Variants in WDR90 observed in about 807,000 individuals in gnomAD.
WDR90 encodes WD repeat-containing protein 90.
Under a neutral mutation model 195.2 loss-of-function variants are expected in WDR90, and 238 were observed. The observed-to-expected ratio is 1.22, with a 90% confidence interval of 1.10 to 1.36. The LOEUF is 1.36. Among genes scored for constraint, WDR90 ranks in the 40% most tolerant of loss-of-function variants. The pLI is 0.00. For synonymous variants in WDR90, 1,265 were observed against 1,052.4 expected (o/e 1.20, Z -3.91); for missense variants, 2,734 against 2,439.5 (o/e 1.12, Z -2.54).
In WDR90 at chr16:666,485, C is replaced by T. The variant is rs762939992; in HGVS notation, c.4771C>T (p.Leu1591=). ...CEDLGVEGTD[L]WLAASGDQRV... ...AGACTTAGGGGTGGAGGGCACAGAC[C>T]TATGGCTGGCTGCCAGTGGGGACCA... Residue 1591 remains leucine, a synonymous_variant, in exon 38 of 41, where the codon CTA becomes TTA. Transcript: ENST00000293879. The T allele has an allele frequency of 5.0e-6, 8 of 1,612,642 alleles. No homozygotes were observed. In the East Asian group the frequency reaches 1.6e-4, roughly 31 times the overall value.
intron 22 of WDR90, 74 bp from the exon 23 acceptor site, chr16:658,451 C>G: frequency 6.3e-7 from 1 of 1,578,370 alleles, no homozygotes; most frequent in South Asian, 1.2e-5. Context: ...TCGCCACACC[C>G]ACAACGAAGG....
In WDR90 at chr16:655,141, A is replaced by C. The variant is rs745528049; in HGVS notation, c.1550A>C (p.Glu517Ala). Residue 517 changes from glutamate (E) to alanine (A), a missense_variant, in exon 14 of 41, where the codon GAA (glutamate) becomes GCA (alanine). Glu to Ala is a moderately radical substitution (Grantham distance 107, BLOSUM62 -1). Transcript: ENST00000293879. ...VQAFRVTFFD[E>A]TRMASCGQGS... ...GCCTTCCGGGTCACCTTTTTTGATGAAACCAGGTGATGCAGCCGCCCATCC... is the reference window on the plus strand; with the variant it reads ...GCCTTCCGGGTCACCTTTTTTGATGCAACCAGGTGATGCAGCCGCCCATCC... 1.2e-6 allele frequency: 2 copies of C among 1,612,528 alleles called. No individual in the cohort carries two copies. The highest frequency in any genetic ancestry group is 3.3e-5 in the Admixed American group (2 of 60,018).
intron 7 of WDR90, 143 bp from the exon 8 acceptor site, chr16:651,501 A>AG: frequency 3.0e-6 from 3 of 1,001,082 alleles, no homozygotes; most frequent in Non-Finnish European, 4.4e-6. Context: ...TTCAGGGCCT[A>AG]GGGTGGAAGT....
intron 13 of WDR90, 172 bp from the exon 14 acceptor site, chr16:654,857 A>G: frequency 1.6e-6 from 1 of 619,102 alleles, no homozygotes; most frequent in South Asian, 2.0e-5. Context: ...CCAAAGCTTC[A>G]GGATGAGAAG....
upstream of WDR90, chr16:649,236 G>C (rs2272864): frequency 4.9e-3 from 3,127 of 633,392 alleles, 134 homozygotes; most frequent in East Asian, 0.096. Context: ...GAGCAACCCT[G>C]GAGGCCGCTG....
intron 34 of WDR90, chr16:665,424 G>C (rs2038002465): frequency 3.3e-6 from 2 of 605,454 alleles, no homozygotes; most frequent in Non-Finnish European, 5.9e-6. Flanking sequence ...GGTGCTGTCA[G>C]AACAGCTTTC....
intron 9 of WDR90, 33 bp downstream of exon 9, chr16:652,072 G>A: frequency 6.4e-7 from 1 of 1,553,562 alleles, no homozygotes; most frequent in Non-Finnish European, 8.7e-7. Context: ...GCGGGGCCTG[G>A]TGAGGTGTGG....
intron 1 of WDR90, 159 bp from the exon 2 acceptor site, chr16:649,604 G>T (rs1050948324): frequency 7.3e-5 from 83 of 1,136,562 alleles, no homozygotes; most frequent in Non-Finnish European, 9.5e-5. Context: ...CTTCCCTCGG[G>T]CGCCCGGCCT....
intron 6 of WDR90, 33 bp downstream of exon 6, chr16:651,136 CGGT>C: frequency 6.9e-6 from 5 of 722,840 alleles, no homozygotes; most frequent in Non-Finnish European, 1.2e-5. Flanking sequence ...AGGGAGGCCT[CGGT>C]GGTGGGAGGG....
intron 34 of WDR90, chr16:665,190 C>A: frequency 3.5e-6 from 1 of 286,956 alleles, no homozygotes; most frequent in Non-Finnish European, 6.8e-6. Flanking sequence ...AGGAGGAATG[C>A]GACTGCATGG....
Position 651,951 on chromosome 16 carries a change from C to A in WDR90, c.965C>A (p.Ala322Asp). The A allele has an allele frequency of 6.2e-7, 1 of 1,608,394 alleles. No individual in the cohort carries two copies. Among genetic ancestry groups the A allele is most frequent in the East Asian group, 2.2e-5 (1 of 44,624 alleles). ...CTTGAGCCCTGGGCCCAGCTGGAGGCCTCTGACATCCACACGGCTGCTGCC... is the reference window on the plus strand; with the variant it reads ...CTTGAGCCCTGGGCCCAGCTGGAGGACTCTGACATCCACACGGCTGCTGCC... ...HSLEPWAQLE[A>D]SDIHTAAAGT... The change falls in exon 9 of 41, where the codon GCC (alanine) becomes GAC (aspartate). Residue 322 changes from alanine (A) to aspartate (D), a missense_variant. Coordinates refer to ENST00000293879, the MANE Select transcript of WDR90 (RefSeq NM_145294.5).
In WDR90 at chr16:660,718, G is replaced by A; in HGVS notation, c.3391+4G>A. Reference sequence around the variant, plus strand: ...ATGGTCTGGAGGCCGGACACAGGTGGGGGCCAAGAGCCTACCCCCACCCCC... The same window carrying A: ...ATGGTCTGGAGGCCGGACACAGGTGAGGGCCAAGAGCCTACCCCCACCCCC... On this transcript the variant is annotated splice_donor_region_variant and intron_variant, in intron 28 of 40. Transcript: ENST00000293879. 1 of 1,552,968 alleles carries A rather than the reference G, an allele frequency of 6.4e-7. No homozygotes were observed. The highest frequency in any genetic ancestry group is 8.7e-7 in the Non-Finnish European group (1 of 1,146,474).
chr16:664,985 A>AT (rs920060918), intron 34 of WDR90: 20 of 152,180 alleles, frequency 1.3e-4, no homozygotes, highest in Admixed American at 2.6e-4. Flanking sequence ...GGCTGAACTG[A>AT]TTTTTTTTTA....
In WDR90 at chr16:650,634, C is replaced by T. The variant is rs1415341348; in HGVS notation, c.484C>T (p.His162Tyr). 2.5e-6 allele frequency: 4 copies of T among 1,612,670 alleles called. No homozygotes were observed. The South Asian group carries it at 3.3e-5, about 13-fold the overall frequency. ...GGTCTACCTGAACCGGTGCTACGGC[C>T]ATCTCAAGAGCATCAGGCTGTGCGC... ...LLVYLNRCYG[H>Y]LKSIRLCASL... Residue 162 changes from histidine (H) to tyrosine (Y), a missense_variant, in exon 5 of 41, where the codon CAT becomes TAT. Coordinates refer to ENST00000293879, the MANE Select transcript of WDR90 (RefSeq NM_145294.5).
Position 656,549 on chromosome 16 carries a change from CA to C in WDR90, c.2202+13del, listed in dbSNP as rs746543814. ...CCACCCTGCAGCAGGTGGGGTTTGG[CA>C]GGGGCAGCACGGCAGGGAGGGCCGG... On this transcript the variant is annotated intron_variant, in intron 18 of 40. Transcript: ENST00000293879. The C allele has an allele frequency of 3.6e-5, 56 of 1,563,694 alleles. No homozygotes were observed. The highest frequency in any genetic ancestry group is 4.5e-5 in the Non-Finnish European group (52 of 1,156,156).
rs1490866711 is a variant in WDR90 at position 661,932 on chromosome 16, G to A, written c.3906G>A (p.Glu1302=). Residue 1302 remains glutamate, a synonymous_variant, in exon 32 of 41, where the codon GAG becomes GAA. Coordinates refer to ENST00000293879, the MANE Select transcript of WDR90 (RefSeq NM_145294.5). ...TCCCAGAGGCAGTGGGGGCTGGAGAGCTGACCTCGCTCTGCTACGGGGCAC... is the reference window on the plus strand; with the variant it reads ...TCCCAGAGGCAGTGGGGGCTGGAGAACTGACCTCGCTCTGCTACGGGGCAC... ...EPVPEAVGAG[E]LTSLCYGAPP... 25 of 1,609,312 alleles carry A rather than the reference G, an allele frequency of 1.6e-5. No homozygotes were observed. The African/African-American group carries it at 1.6e-4, about 10-fold the overall frequency.
chr16:657,669 A>C, intron 20 of WDR90, 93 bp from the exon 21 acceptor site: 2 of 1,419,820 alleles, frequency 1.4e-6, no homozygotes, highest in South Asian at 1.5e-5. Flanking sequence ...GTGTTTCCCG[A>C]AAGTGGGGGC....
In WDR90 at chr16:657,186, G is replaced by A. The variant is rs151007552; in HGVS notation, c.2438G>A (p.Cys813Tyr). ...CAGGGCTCCCTGGCCCAGTACAGCT[G>A]TGCGGACCCCCAGTGGCATGTCCTC... ...CSQGSLAQYS[C>Y]ADPQWHVLRV... Residue 813 changes from cysteine (C) to tyrosine (Y), a missense_variant, in exon 20 of 41, where the codon TGT (cysteine) becomes TAT (tyrosine). Transcript: ENST00000293879. The A allele has an allele frequency of 8.3e-4, 1,291 of 1,556,028 alleles. No homozygotes were observed. The highest frequency in any genetic ancestry group is 1.0e-3 in the Non-Finnish European group (1,160 of 1,150,322).
Position 667,708 on chromosome 16 carries a change from G to A in WDR90, c.*119G>A, listed in dbSNP as rs748584777. On this transcript the variant is annotated 3_prime_UTR_variant, in exon 41 of 41. Coordinates refer to ENST00000293879, the MANE Select transcript of WDR90 (RefSeq NM_145294.5). The stretch of plus-strand genomic sequence containing the variant: ...CATGCTGGGACAGGCCAGGATTCAC[G>A]TAAATCGCCTGGAGCAAGCTGTTGT... The A allele has an allele frequency of 1.1e-5, 16 of 1,472,156 alleles. No homozygotes were observed. The highest frequency in any genetic ancestry group is 1.7e-4 in the Middle Eastern group (1 of 5,892). 91.2% of individuals were successfully genotyped at this position (1,472,156 alleles called of 1,614,324 possible).
Sources: allele counts gnomAD v4.1 joint callset, GRCh38; gene constraint gnomAD v4.1.1; transcripts MANE v1.5; gene names NCBI Gene and HGNC (gene_info 2026-07-23, HGNC 2026-07-21).